WDR48: variants seen among roughly 807,000 people sequenced by gnomAD.
WDR48 encodes WD repeat domain 48, also known as WD repeat-containing protein 48.
Under a neutral mutation model 94.0 loss-of-function variants are expected in WDR48, and 22 were observed. The ratio of observed to expected loss-of-function variants is 0.23; its 90% CI spans 0.17 to 0.33. The LOEUF is 0.33. Among genes scored for constraint, WDR48 ranks in the 10% least tolerant of loss-of-function variants. The pLI is 1.00. For missense variants in WDR48, 541 were observed against 813.8 expected, an observed-to-expected ratio of 0.66 and a Z score of 4.08; for synonymous variants, 278 against 280.5, an observed-to-expected ratio of 0.99 and a Z score of 0.09.
intron 16 of WDR48, chr3:39,090,221 A>G (rs901756073): frequency 6.6e-6 from 1 of 152,208 alleles, no homozygotes; most frequent in African/African-American, 2.4e-5. Context: ...AAACAAATTA[A>G]TAGTGAGGTT....
intron 1 of WDR48, among the ~76,000 whole-genome samples, chr3:39,061,047 G>A (rs1475180744): frequency 1.3e-5 from 2 of 152,208 alleles, no homozygotes; most frequent in Admixed American, 1.3e-4. Flanking sequence ...GGTTTAAGAT[G>A]TGGAGAAAGG....
At chr3:39,067,054 A>G (rs1219571145) in intron 5 of WDR48, among the ~76,000 whole-genome samples, 179 bp downstream of exon 5, 1 of 152,206 alleles carries the variant, frequency 6.6e-6, no homozygotes, top group Non-Finnish European at 1.5e-5. Context: ...CTAGTTCCTC[A>G]CTGCAGTCTA....
intron 14 of WDR48, among the ~76,000 whole-genome samples, chr3:39,085,892 T>C (rs542385392): frequency 7.9e-5 from 12 of 152,304 alleles, no homozygotes; most frequent in African/African-American, 2.9e-4. Context: ...TGAGGCACCT[T>C]AACAGACTTA....
At chr3:39,060,609 T>G (rs1225363534) in intron 1 of WDR48, among the ~76,000 whole-genome samples, 1 of 152,238 alleles carries the variant, frequency 6.6e-6, no homozygotes, top group Non-Finnish European at 1.5e-5. Context: ...TCGTAAAGAT[T>G]ACCATCTTTC....
chr3:39,063,363 C>T (rs2033395455), intron 2 of WDR48, among the ~76,000 whole-genome samples, 173 bp downstream of exon 2: 1 of 152,134 alleles, frequency 6.6e-6, no homozygotes, highest in African/African-American at 2.4e-5. Flanking sequence ...AAAACCATCC[C>T]TAGGAAAGTT....
intron 14 of WDR48, chr3:39,086,261 C>T (rs998269186): frequency 3.3e-5 from 5 of 152,220 alleles, no homozygotes; most frequent in Non-Finnish European, 7.3e-5. Context: ...GAAGGGGAAA[C>T]AAGAACTTAG....
chr3:39,086,863 A>T (rs78405773), intron 14 of WDR48, among the ~76,000 whole-genome samples: 6,472 of 152,240 alleles, frequency 0.043, 172 homozygotes, highest in Middle Eastern at 0.061. Context: ...ATCAGACTGC[A>T]TGGGAAAGGT....
At chr3:39,088,481 A>G (rs530475514) in intron 15 of WDR48, among the ~76,000 whole-genome samples, 3 of 152,272 alleles carry the variant, frequency 2.0e-5, no homozygotes, top group South Asian at 2.1e-4. Context: ...CAGCTTCTCT[A>G]TTGGTTTCTG....
Position 39,063,185 on chromosome 3 carries a change from C to T in WDR48, c.184C>T (p.His62Tyr). Residue 62 changes from histidine (H) to tyrosine (Y), a missense_variant, in exon 2 of 19, where the codon CAC becomes TAC. His to Tyr is a moderately conservative substitution (Grantham distance 83). Around this residue, in one of 5 missense-constraint regions of WDR48, gnomAD observed 90 missense variants for 122.3 expected, o/e 0.74. Transcript: ENST00000302313. ...CATAAGAATATGGAGTGTCAATCAG[C>T]ACAAGGTAATGCAGGGATTAAAATC... ...SIIRIWSVNQ[H>Y]KQDPYIASME... The T allele has an allele frequency of 1.2e-6, 2 of 1,613,928 alleles. No individual in the cohort carries two copies. Among genetic ancestry groups the T allele is most frequent in the Non-Finnish European group, 1.7e-6 (2 of 1,179,918 alleles).
chr3:39,055,332 TA>T (rs1212259165), intron 1 of WDR48, among the ~76,000 whole-genome samples: 1 of 151,918 alleles, frequency 6.6e-6, no homozygotes, highest in Non-Finnish European at 1.5e-5. Flanking sequence ...ACTAAAAATA[TA>T]AAAATTGCCG....
chr3:39,058,066 C>T (rs1008890561), intron 1 of WDR48, among the ~76,000 whole-genome samples: 6 of 152,070 alleles, frequency 3.9e-5, no homozygotes, highest in African/African-American at 9.7e-5. Context: ...CATGGCTTTC[C>T]GCCCATGTTT....
chr3:39,066,145 T>C (rs901247503), intron 3 of WDR48, among the ~76,000 whole-genome samples: 1 of 152,194 alleles, frequency 6.6e-6, no homozygotes, highest in Non-Finnish European at 1.5e-5. Flanking sequence ...CAAAGGGTAG[T>C]TTTGCCTTCA....
intron 3 of WDR48, among the ~76,000 whole-genome samples, 198 bp downstream of exon 3, chr3:39,066,087 G>C (rs896371330): frequency 4.6e-5 from 7 of 152,194 alleles, no homozygotes; most frequent in African/African-American, 1.4e-4. Context: ...CACCCTTTCA[G>C]TTATTCCCTC....
At chr3:39,061,431 A>G (rs2033258263) in intron 1 of WDR48, among the ~76,000 whole-genome samples, 2 of 151,976 alleles carry the variant, frequency 1.3e-5, no homozygotes, top group Non-Finnish European at 2.9e-5. Flanking sequence ...ACATGAACTC[A>G]TCCTTTTTTA....
intron 7 of WDR48, among the ~76,000 whole-genome samples, chr3:39,072,843 G>C (rs1008245245): frequency 2.0e-5 from 3 of 152,144 alleles, no homozygotes; most frequent in African/African-American, 7.2e-5. Flanking sequence ...GAAGAAGTTG[G>C]CCAACATAAT....
chr3:39,071,316 G>T (rs909637100), intron 7 of WDR48, among the ~76,000 whole-genome samples: 2 of 152,102 alleles, frequency 1.3e-5, no homozygotes, highest in African/African-American at 4.8e-5. Flanking sequence ...TTCCTTTGTG[G>T]CCTCATTTTC....
At chr3:39,070,225 G>A (rs1446319870) in intron 7 of WDR48, among the ~76,000 whole-genome samples, 3 of 152,182 alleles carry the variant, frequency 2.0e-5, no homozygotes, top group Non-Finnish European at 2.9e-5. Flanking sequence ...CATTAGCTCT[G>A]TTGGCCACGT....
Position 39,089,264 on chromosome 3 carries a change from G to A in WDR48, c.1614G>A (p.Glu538=). ...LLCRDSGGET[E]SMLLNETVPQ... ...GCCGAGATTCCGGGGGTGAGACTGAGTCTATGCTTCTTAATGAAACAGTGC... is the reference window on the plus strand; with the variant it reads ...GCCGAGATTCCGGGGGTGAGACTGAATCTATGCTTCTTAATGAAACAGTGC... Residue 538 remains glutamate (E), a synonymous_variant, in exon 16 of 19, where the codon GAG becomes GAA. Coordinates refer to ENST00000302313, the MANE Select transcript of WDR48 (RefSeq NM_020839.4). The A allele has an allele frequency of 1.2e-6, 2 of 1,613,664 alleles. No homozygotes were observed. Among genetic ancestry groups the A allele is most frequent in the South Asian group, 1.1e-5 (1 of 90,876 alleles).
chr3:39,066,649 C>A lies in WDR48; in HGVS notation c.351+19C>A. 1 of 1,613,348 alleles carries A rather than the reference C, an allele frequency of 6.2e-7. No homozygotes were observed. Among genetic ancestry groups the A allele is most frequent in the Non-Finnish European group, 8.5e-7 (1 of 1,179,524 alleles). On this transcript the variant is annotated intron_variant, in intron 4 of 18. Transcript: ENST00000302313. ...ACATAAGGTAAAACAATACAGTTCT[C>A]AGTGTCTTTAGTGTAATATTGGGAT...
Sources: gnomAD v4.1 joint callset for allele counts (sites outside exome capture counted in the v4.1 genomes callset) on GRCh38, gnomAD v4.1.1 for gene constraint, gnomAD v4.1.1 regional missense constraint, MANE v1.5 for transcripts, NCBI Gene and HGNC (gene_info 2026-07-23, HGNC 2026-07-21) for gene names.